The following ITPR2 variants were observed in gnomAD, a reference collection of about 807,000 sequenced individuals.
ITPR2 encodes the protein inositol 1,4,5-trisphosphate-gated calcium channel ITPR2.
ITPR2 carries 207 observed loss-of-function variants against 317.1 expected under a neutral mutation model. The ratio of observed to expected loss-of-function variants is 0.65; its 90% CI spans 0.58 to 0.73. ITPR2 has a LOEUF of 0.73. ITPR2 is among the 30% of genes least tolerant of loss of function. ITPR2 has a pLI of 0.00. For synonymous variants in ITPR2, 1,156 were observed against 1,149.1 expected (o/e 1.01, Z -0.12); for missense variants, 2,613 against 3,284.0 (o/e 0.80, Z 4.99).
chr12:26,407,802 T>C (rs1215678347), intron 52 of ITPR2, among the ~76,000 whole-genome samples: 1 of 152,186 alleles, frequency 6.6e-6, no homozygotes, highest in Admixed American at 6.5e-5. Flanking sequence ...ACCGAAAATG[T>C]AAGGATAACT....
intron 34 of ITPR2, among the ~76,000 whole-genome samples, chr12:26,571,452 T>G (rs1279472768): frequency 6.6e-6 from 1 of 152,252 alleles, no homozygotes; most frequent in Non-Finnish European, 1.5e-5. Context: ...TATAACTCAG[T>G]TCACTAGCTC....
At chr12:26,753,393 C>T (rs970335255) in intron 2 of ITPR2, among the ~76,000 whole-genome samples, 4 of 152,102 alleles carry the variant, frequency 2.6e-5, no homozygotes, top group African/African-American at 9.7e-5. Flanking sequence ...TGTACAGGAT[C>T]GTGGGACATG....
intron 55 of ITPR2, among the ~76,000 whole-genome samples, chr12:26,369,531 A>G (rs1939120312): frequency 6.6e-6 from 1 of 152,250 alleles, no homozygotes; most frequent in African/African-American, 2.4e-5. Context: ...GCTAACTTTC[A>G]GTTAAGATTT....
chr12:26,649,234 ACAC>A (rs1254855833), intron 21 of ITPR2: 18 of 152,020 alleles, frequency 1.2e-4, no homozygotes, highest in African/African-American at 4.1e-4. Flanking sequence ...ACTCACACAC[ACAC>A]ATCTTTCCTG....
chr12:26,602,499 T>G lies in ITPR2; in HGVS notation c.3553-4A>C, dbSNP rs775171854. The G allele has an allele frequency of 1.2e-6, 2 of 1,608,108 alleles. No homozygotes were observed. The highest frequency in any genetic ancestry group is 4.5e-5 in the East Asian group (2 of 44,724). On this transcript the variant is annotated splice_polypyrimidine_tract_variant and splice_region_variant and intron_variant, in intron 27 of 56. Transcript: ENST00000381340. ...GTTTACTTAGCCTGATCAAAATCTT[T>G]AAAAGGAAGAGGGAAAGCATCAAAT...
chr12:26,701,936 G>C (rs1444443981), intron 9 of ITPR2, among the ~76,000 whole-genome samples: 1 of 152,112 alleles, frequency 6.6e-6, no homozygotes, highest in East Asian at 1.9e-4. Flanking sequence ...ATCATCAAAA[G>C]TTTTTGCTTT....
chr12:26,795,866 C>A (rs902196619), intron 1 of ITPR2, among the ~76,000 whole-genome samples: 6 of 152,206 alleles, frequency 3.9e-5, no homozygotes, highest in South Asian at 2.1e-4. Context: ...GACCTGTAAT[C>A]CCAGCTACTC....
chr12:26,809,583 T>C (rs1425633643), intron 1 of ITPR2, among the ~76,000 whole-genome samples: 1 of 152,220 alleles, frequency 6.6e-6, no homozygotes, highest in African/African-American at 2.4e-5. Flanking sequence ...TCTATCCATA[T>C]CTGCCTTTCT....
intron 10 of ITPR2, among the ~76,000 whole-genome samples, chr12:26,694,481 C>A (rs2136987847): frequency 6.6e-6 from 1 of 152,176 alleles, no homozygotes; most frequent in East Asian, 1.9e-4. Flanking sequence ...CTAGTAAGTT[C>A]TTTCTAACAT....
At chr12:26,612,423 T>C (rs1946288947) in intron 26 of ITPR2, among the ~76,000 whole-genome samples, 1 of 152,230 alleles carries the variant, frequency 6.6e-6, no homozygotes, top group Non-Finnish European at 1.5e-5. Context: ...TGCTAGTGTG[T>C]GTGCTGCCTG....
chr12:26,726,504 A>C (rs1483807616), intron 2 of ITPR2, among the ~76,000 whole-genome samples: 1 of 152,242 alleles, frequency 6.6e-6, no homozygotes. Flanking sequence ...TACAATCTAG[A>C]ATAAAGGTAA....
intron 13 of ITPR2, among the ~76,000 whole-genome samples, chr12:26,668,461 T>C (rs967666460): frequency 1.3e-5 from 2 of 152,098 alleles, no homozygotes; most frequent in Non-Finnish European, 2.9e-5. Flanking sequence ...GCTCTCGATA[T>C]CAGATCTGGC....
intron 39 of ITPR2, among the ~76,000 whole-genome samples, chr12:26,491,482 CAAAAAAAAAAAAAAAAA>C (rs57612774): frequency 3.3e-4 from 19 of 57,858 alleles, no homozygotes; most frequent in African/African-American, 1.4e-3. Flanking sequence ...GACTCCATCT[CAAAAAAAAAAAAAAAAA>C]AAAAAAAAAG....
At chr12:26,692,512 T>C (rs1207809398) in intron 10 of ITPR2, among the ~76,000 whole-genome samples, 1 of 152,152 alleles carries the variant, frequency 6.6e-6, no homozygotes, top group African/African-American at 2.4e-5. Flanking sequence ...AAAATTCCCC[T>C]TCAAAGAGCC....
intron 45 of ITPR2, among the ~76,000 whole-genome samples, chr12:26,449,221 G>A (rs931481429): frequency 3.9e-5 from 6 of 152,068 alleles, no homozygotes; most frequent in African/African-American, 1.4e-4. Context: ...AAAGTGAGCT[G>A]GAGCCTGAAG....
chr12:26,821,810 C>G (rs1272609509), intron 1 of ITPR2, among the ~76,000 whole-genome samples: 1 of 152,196 alleles, frequency 6.6e-6, no homozygotes, highest in East Asian at 1.9e-4. Flanking sequence ...CAATTCACTA[C>G]AAGGTTTGCA....
chr12:26,482,759 T>C (rs1353120759), intron 42 of ITPR2, among the ~76,000 whole-genome samples: 2 of 152,210 alleles, frequency 1.3e-5, no homozygotes, highest in Non-Finnish European at 1.5e-5. Flanking sequence ...CATGTGTGTA[T>C]AGATTCATAA....
chr12:26,763,041 G>C (rs1318522793), intron 2 of ITPR2, among the ~76,000 whole-genome samples: 1 of 152,024 alleles, frequency 6.6e-6, no homozygotes, highest in South Asian at 2.1e-4. Context: ...AGATTCTAGA[G>C]ATCTATTGTA....
rs753965167 is a variant in ITPR2 at position 26,715,291 on chromosome 12, TTACA to T, written c.855+4_855+7del. The T allele has an allele frequency of 1.2e-6, 2 of 1,605,498 alleles. No individual in the cohort carries two copies. Among genetic ancestry groups the T allele is most frequent in the Non-Finnish European group, 1.7e-6 (2 of 1,176,672 alleles). ...ATATTTATTAAGTGCCAAAAAACAT[TTACA>T]TACCTCTATTTCCCAGAGTGCTTTA... On this transcript the variant is annotated splice_donor_5th_base_variant and intron_variant, in intron 8 of 56. Coordinates refer to ENST00000381340, the MANE Select transcript of ITPR2 (RefSeq NM_002223.4).
Sources: allele counts gnomAD v4.1 joint callset (sites outside exome capture counted in the v4.1 genomes callset), GRCh38; gene constraint gnomAD v4.1.1; transcripts MANE v1.5; gene names NCBI Gene and HGNC (gene_info 2026-07-23, HGNC 2026-07-21).